CALCR: variants seen among roughly 807,000 people sequenced by gnomAD.
The protein encoded by CALCR is calcitonin receptor.
In CALCR, 47 loss-of-function variants were observed where a neutral mutation model predicts 59.5. The observed-to-expected ratio is 0.79, with a 90% CI of 0.63 to 1.01. The LOEUF is 1.01. Among genes scored for constraint, CALCR ranks in the 50% least tolerant of loss-of-function variants. The pLI is 0.00. For missense variants in CALCR, 566 were observed against 597.1 expected (o/e 0.95, Z 0.54); for synonymous variants, 213 against 211.3 (o/e 1.01, Z -0.07).
At chr7:93,462,103 T>C (rs1251411115) in intron 7 of CALCR, 3 of 1,495,758 alleles carry the variant, frequency 2.0e-6, no homozygotes, top group Non-Finnish European at 2.7e-6. Context: ...AAAATAGTTG[T>C]CAATTTTCTG....
Position 93,428,001 on chromosome 7 carries a change from AGTTTT to A in CALCR, c.1192-1417_1192-1413del, listed in dbSNP as rs149470437. 8.0e-3 allele frequency among the ~76,000 whole-genome samples: 1,214 copies of A among 152,284 alleles called. 19 individuals are homozygous for A. The highest frequency in any genetic ancestry group is 0.028 in the African/African-American group (1,175 of 41,544). On this transcript the variant is annotated intron_variant, in intron 13 of 13. Transcript: ENST00000426151. The stretch of plus-strand genomic sequence containing the variant: ...CAGATTATGGAGGCAACACATCCTG[AGTTTT>A]GTTTTATTTTGTTTTGGGGTTAATG...
At chr7:93,524,707 A>G (rs2116104868) in intron 2 of CALCR, among the ~76,000 whole-genome samples, 1 of 152,300 alleles carries the variant, frequency 6.6e-6, no homozygotes, top group Non-Finnish European at 1.5e-5. Context: ...AAAATAATGT[A>G]CATATGTGTA....
At chr7:93,554,519 G>T (rs931913300) in intron 2 of CALCR, among the ~76,000 whole-genome samples, 1 of 151,906 alleles carries the variant, frequency 6.6e-6, no homozygotes, top group Non-Finnish European at 1.5e-5. Context: ...GATTTATACT[G>T]ATCTTTTACC....
chr7:93,428,053 TTATATC>T (rs1362467986), intron 13 of CALCR, among the ~76,000 whole-genome samples: 2 of 152,190 alleles, frequency 1.3e-5, no homozygotes, highest in Non-Finnish European at 2.9e-5. Context: ...GAAGGGTACT[TTATATC>T]TAAAGTGATT....
At chr7:93,512,478 T>C (rs1387541741) in intron 2 of CALCR, among the ~76,000 whole-genome samples, 1 of 152,162 alleles carries the variant, frequency 6.6e-6, no homozygotes, top group Non-Finnish European at 1.5e-5. Context: ...TTTTCTTTTA[T>C]GGCATCACAA....
chr7:93,485,188 G>C (rs770731694), intron 3 of CALCR, among the ~76,000 whole-genome samples: 6 of 151,560 alleles, frequency 4.0e-5, no homozygotes, highest in Non-Finnish European at 7.4e-5. Flanking sequence ...TCCAAATACA[G>C]AGAGAGAAGC....
At chr7:93,438,307 T>C in intron 9 of CALCR, 37 bp from the exon 10 acceptor site, 1 of 1,534,062 alleles carries the variant, frequency 6.5e-7, no homozygotes, top group Middle Eastern at 1.7e-4. Context: ...ACTTGGTTTC[T>C]TGGTCATAAC....
chr7:93,485,780 T>C (rs1035077937), intron 3 of CALCR, among the ~76,000 whole-genome samples: 3 of 151,550 alleles, frequency 2.0e-5, no homozygotes, highest in African/African-American at 7.3e-5. Flanking sequence ...AAAATTTTAC[T>C]GTAATTTATC....
intron 2 of CALCR, among the ~76,000 whole-genome samples, chr7:93,572,652 A>G (rs1307328112): frequency 6.6e-6 from 1 of 152,162 alleles, no homozygotes; most frequent in African/African-American, 2.4e-5. Context: ...CCATGGCACA[A>G]CTAAACTAAT....
intron 8 of CALCR, among the ~76,000 whole-genome samples, chr7:93,447,633 C>T (rs1311144427): frequency 1.3e-5 from 2 of 151,868 alleles, no homozygotes; most frequent in African/African-American, 4.8e-5. Context: ...TGGCCTATGT[C>T]CTACTTTTAA....
rs1385891171 is a variant in CALCR, at chr7:93,435,988, T to C, written c.1113A>G (p.Ile371Met). The change falls in exon 12 of 14, where the codon ATA (isoleucine) becomes ATG (methionine). Residue 371 changes from isoleucine (I) to methionine (M), a missense_variant. Ile to Met is a conservative substitution (Grantham distance 10). Coordinates refer to ENST00000426151, the MANE Select transcript of CALCR (RefSeq NM_001742.4). ...TCAGAGAGTGCATCACGTAATCATATATCTTCCCAAGCATCTTGTTGGAAG... is the reference window on the plus strand; with the variant it reads ...TCAGAGAGTGCATCACGTAATCATACATCTTCCCAAGCATCTTGTTGGAAG... The part of the protein sequence containing the change: ...WRPSNKMLGK[I>M]YDYVMHSLIH... 4 of 1,613,196 alleles carry C rather than the reference T, an allele frequency of 2.5e-6. No homozygotes were observed. Among genetic ancestry groups the C allele is most frequent in the Admixed American group, 1.7e-5 (1 of 59,988 alleles).
At chr7:93,480,887 G>A (rs1354737118) in intron 3 of CALCR, among the ~76,000 whole-genome samples, 1 of 151,882 alleles carries the variant, frequency 6.6e-6, no homozygotes, top group Non-Finnish European at 1.5e-5. Context: ...GAAATGACAT[G>A]CATGAGCCAC....
At chr7:93,520,147 G>A (rs1191715788) in intron 2 of CALCR, among the ~76,000 whole-genome samples, 1 of 151,740 alleles carries the variant, frequency 6.6e-6, no homozygotes, top group East Asian at 1.9e-4. Context: ...TTCTCAAGCA[G>A]AAATAATGGA....
intron 8 of CALCR, among the ~76,000 whole-genome samples, chr7:93,453,024 C>G (rs971463202): frequency 1.3e-5 from 2 of 151,914 alleles, no homozygotes; most frequent in African/African-American, 4.8e-5. Context: ...TATTTACAAG[C>G]CTCTACATAT....
intron 2 of CALCR, among the ~76,000 whole-genome samples, chr7:93,562,576 G>A (rs574019504): frequency 6.6e-6 from 1 of 152,108 alleles, no homozygotes. Context: ...GACAACTCAA[G>A]GAATCACCCA....
chr7:93,472,227 A>G (rs1800567694), intron 6 of CALCR, 148 bp downstream of exon 6: 1 of 574,698 alleles, frequency 1.7e-6, no homozygotes, highest in Non-Finnish European at 3.1e-6. Flanking sequence ...TCTACTCTAG[A>G]GATTCCTAGA....
chr7:93,510,469 G>T (rs1351747847), intron 2 of CALCR, among the ~76,000 whole-genome samples: 1 of 152,162 alleles, frequency 6.6e-6, no homozygotes, highest in Non-Finnish European at 1.5e-5. Context: ...TCCCAAAGGA[G>T]TTTTAGTTAC....
chr7:93,465,009 G>A lies in CALCR; in HGVS notation c.521+3706C>T, dbSNP rs527572092. Among the ~76,000 whole-genome samples the A allele has an allele frequency of 5.3e-5, 8 of 152,016 alleles. No individual in the cohort carries two copies. In the South Asian group the frequency reaches 1.7e-3, roughly 32 times the overall value. On this transcript the variant is annotated intron_variant, in intron 7 of 13. Coordinates refer to ENST00000426151, the MANE Select transcript of CALCR (RefSeq NM_001742.4). Reference sequence around the variant, plus strand: ...TATGCTTTTTGTCAATGTGGCCAATGTAACGTAATGTAGACAATAAAATGA... The same window carrying A: ...TATGCTTTTTGTCAATGTGGCCAATATAACGTAATGTAGACAATAAAATGA...
At chr7:93,459,064 G>A (rs1800265117) in intron 8 of CALCR, among the ~76,000 whole-genome samples, 1 of 152,022 alleles carries the variant, frequency 6.6e-6, no homozygotes, top group Non-Finnish European at 1.5e-5. Flanking sequence ...TTTACTGAGG[G>A]CAAAATAACT....
Sources: allele counts gnomAD v4.1 joint callset (sites outside exome capture counted in the v4.1 genomes callset), GRCh38; gene constraint gnomAD v4.1.1; transcripts MANE v1.5; gene names NCBI Gene and HGNC (gene_info 2026-07-23, HGNC 2026-07-21).